Variants in RAPGEFL1 observed in about 807,000 individuals in gnomAD.
RAPGEFL1 encodes Rap guanine nucleotide exchange factor like 1.
In RAPGEFL1, 31 loss-of-function variants were observed where a neutral mutation model predicts 64.4. The observed-to-expected ratio is 0.48, with a 90% confidence interval of 0.36 to 0.65. The LOEUF is 0.65. Among genes scored for constraint, RAPGEFL1 ranks in the 30% least tolerant of loss-of-function variants. RAPGEFL1 has a pLI of 0.00. For missense variants in RAPGEFL1, 682 were observed against 677.4 expected (o/e 1.01, Z -0.08); for synonymous variants, 331 against 274.1 (o/e 1.21, Z -2.05).
In RAPGEFL1 at chr17:40,178,203, C is replaced by CG; in HGVS notation, c.347dup (p.Gly117ArgfsTer13). 1.8e-6 allele frequency: 1 copy of CG among 545,914 alleles called. No homozygotes were observed. The highest frequency in any genetic ancestry group is 2.1e-5 in the South Asian group (1 of 48,038). 33.8% of individuals were successfully genotyped at this position (545,914 alleles called of 1,614,324 possible). On this transcript the variant is annotated frameshift_variant, in exon 1 of 15. Coordinates refer to ENST00000620260, the MANE Select transcript of RAPGEFL1 (RefSeq NM_016339.6). LOFTEE classifies it high-confidence loss of function. ...AGGAGGTGCCGGGGCCCGGGCCTCT[C>CG]GGGGGAGGGGGGCCCCTGCGCTCCC...
rs185867558 is a variant in RAPGEFL1, at chr17:40,190,093, A to C, written c.1115-341A>C. Reference sequence around the variant, plus strand: ...TAAGGATGCCACATTTCACAGGCTAAAGACACAGGATGAGTGGGAAGGCAG... The same window carrying C: ...TAAGGATGCCACATTTCACAGGCTACAGACACAGGATGAGTGGGAAGGCAG... On this transcript the variant is annotated intron_variant, in intron 6 of 14. Coordinates refer to ENST00000620260, the MANE Select transcript of RAPGEFL1 (RefSeq NM_016339.6). Among the ~76,000 whole-genome samples, 8 of 152,326 alleles carry C rather than the reference A, an allele frequency of 5.3e-5. No individual in the cohort carries two copies. The East Asian group carries it at 1.5e-3, about 29-fold the overall frequency.
chr17:40,179,345 C>G (rs944606343), intron 1 of RAPGEFL1, among the ~76,000 whole-genome samples: 1 of 152,114 alleles, frequency 6.6e-6, no homozygotes, highest in Non-Finnish European at 1.5e-5. Context: ...GGATTACAGG[C>G]GTGAGCCACT....
rs1454925687 is a variant in RAPGEFL1 at position 40,191,177 on chromosome 17, CCTTT to C, written c.1336-136_1336-133del. ...TTTCCGCATCTTTGCCGCCTCCTGT[CCTTT>C]CTATTTTTCTATTTTCCACCCCTTC... On this transcript the variant is annotated intron_variant, in intron 8 of 14. Transcript: ENST00000620260. This position sits in a 1 kb window ranked among gnomAD's most constrained non-coding sequence, Gnocchi z 5.1. 6 of 756,506 alleles carry C rather than the reference CCTTT, an allele frequency of 7.9e-6. No homozygotes were observed. The highest frequency in any genetic ancestry group is 1.9e-5 in the South Asian group (1 of 52,790). 46.9% of individuals were successfully genotyped at this position (756,506 alleles called of 1,614,324 possible).
chr17:40,189,823 G>A (rs1990199466), intron 6 of RAPGEFL1, among the ~76,000 whole-genome samples: 1 of 152,192 alleles, frequency 6.6e-6, no homozygotes, highest in Non-Finnish European at 1.5e-5. Context: ...GGGCATGGTG[G>A]TGTGCACCTG....
In RAPGEFL1 at chr17:40,191,478, A is replaced by T; in HGVS notation, c.1498A>T (p.Ile500Phe). ...GKRAQLLKKF[I>F]KIAALCKQNQ... is the part of the protein sequence containing the mutation. ...GCGCGCGCAGCTGCTCAAGAAGTTC[A>T]TCAAGATCGCGGCCCTGTGAGTGCG... The change falls in exon 9 of 15, where the codon ATC becomes TTC. Residue 500 changes from isoleucine to phenylalanine, a missense_variant. Ile to Phe is a conservative substitution (Grantham distance 21). Transcript: ENST00000620260. This position sits in a 1 kb window ranked among gnomAD's most constrained non-coding sequence, Gnocchi z 5.1. 6.2e-7 allele frequency: 1 copy of T among 1,606,460 alleles called. No homozygotes were observed. Among genetic ancestry groups the T allele is most frequent in the Admixed American group, 1.7e-5 (1 of 59,332 alleles).
Position 40,193,748 on chromosome 17 carries a change from T to C in RAPGEFL1, c.1949T>C (p.Leu650Pro). The change falls in exon 15 of 15, where the codon CTC (leucine) becomes CCC (proline). Residue 650 changes from leucine to proline, a missense_variant. By Grantham distance (98) the Leu-to-Pro change is moderately conservative. Around this residue, in one of 2 missense-constraint regions of RAPGEFL1, gnomAD observed 411 missense variants for 519.4 expected, o/e 0.79. Coordinates refer to ENST00000620260, the MANE Select transcript of RAPGEFL1 (RefSeq NM_016339.6). ...QFQVIDNQNL[L>P]FELSYKLEAN... ...CAGGTCATCGACAACCAGAACCTCC[T>C]CTTCGAGCTCTCCTACAAGCTGGAG... 1 of 1,614,010 alleles carries C rather than the reference T, an allele frequency of 6.2e-7. No homozygotes were observed. The highest frequency in any genetic ancestry group is 8.5e-7 in the Non-Finnish European group (1 of 1,179,976).
chr17:40,187,788 T>A (rs773506941), intron 4 of RAPGEFL1, among the ~76,000 whole-genome samples: 14 of 151,662 alleles, frequency 9.2e-5, no homozygotes, highest in South Asian at 2.1e-4. Context: ...TTTTTTATAT[T>A]TTTTTTAGTA....
At position 40,191,700 on chromosome 17, in the gene RAPGEFL1, G is replaced by C; in HGVS notation, c.1605+28G>C. The C allele has an allele frequency of 6.3e-7, 1 of 1,592,202 alleles. No homozygotes were observed. The highest frequency in any genetic ancestry group is 8.6e-7 in the Non-Finnish European group (1 of 1,168,372). ...GATGAGACCCCTCCCGTTCCTACCT[G>C]GGAATCTGGGCATCCCGGGCTCCCC... is the stretch of plus-strand genomic sequence containing the variant. On this transcript the variant is annotated intron_variant, in intron 10 of 14. Transcript: ENST00000620260. The surrounding 1 kb of genome is among the most constrained non-coding windows in gnomAD (Gnocchi z 5.1).
At position 40,194,232 on chromosome 17, in the gene RAPGEFL1, C is replaced by CCT. The variant is rs1340614010; in HGVS notation, c.*444_*445insCT. On this transcript the variant is annotated 3_prime_UTR_variant, in exon 15 of 15. Coordinates refer to ENST00000620260, the MANE Select transcript of RAPGEFL1 (RefSeq NM_016339.6). ...GGGACCCCCAGGAATATTATGTTGC[C>CCT]GTGTGTGTGTGTGTGTGTGTGTGTG... 3 of 124,980 alleles carry CCT rather than the reference C, an allele frequency of 2.4e-5. No individual in the cohort carries two copies. The highest frequency in any genetic ancestry group is 8.6e-5 in the Admixed American group (1 of 11,576). 7.7% of individuals were successfully genotyped at this position (124,980 alleles called of 1,614,324 possible).
Position 40,191,646 on chromosome 17 carries a change from G to A in RAPGEFL1, c.1579G>A (p.Val527Ile). ...GGTCATGGGGCTGGACAACGCCGCT[G>A]TCAGCCGCCTTCGACTCACCTGGGA... ...AVVMGLDNAA[V>I]SRLRLTWEKL... The change falls in exon 10 of 15, where the codon GTC (valine) becomes ATC (isoleucine). Residue 527 changes from valine to isoleucine, a missense_variant. Transcript: ENST00000620260. The surrounding 1 kb of genome is among the most constrained non-coding windows in gnomAD (Gnocchi z 5.1). The A allele has an allele frequency of 6.2e-7, 1 of 1,612,980 alleles. No individual in the cohort carries two copies. Among genetic ancestry groups the A allele is most frequent in the Non-Finnish European group, 8.5e-7 (1 of 1,179,678 alleles).
chr17:40,189,998 G>A (rs978073522), intron 6 of RAPGEFL1, among the ~76,000 whole-genome samples: 1 of 152,046 alleles, frequency 6.6e-6, no homozygotes, highest in Non-Finnish European at 1.5e-5. Flanking sequence ...TAGGACTCAG[G>A]TTCTGATCTG....
intron 3 of RAPGEFL1, 42 bp from the exon 4 acceptor site, chr17:40,184,539 A>G: frequency 7.5e-7 from 1 of 1,327,538 alleles, no homozygotes; most frequent in Middle Eastern, 1.8e-4. Flanking sequence ...AGCCCTTGGA[A>G]TGAGACCCCT....
chr17:40,186,755 G>A (rs1309644318), intron 4 of RAPGEFL1, among the ~76,000 whole-genome samples: 4 of 151,130 alleles, frequency 2.6e-5, no homozygotes, highest in African/African-American at 7.3e-5. Flanking sequence ...TTAGCCGGGC[G>A]TGGTGGTACA....
intron 3 of RAPGEFL1, 34 bp from the exon 4 acceptor site, chr17:40,184,547 C>A: frequency 1.5e-6 from 2 of 1,356,588 alleles, no homozygotes; most frequent in African/African-American, 1.5e-5. Context: ...GAATGAGACC[C>A]CTTCCTTCAC....
chr17:40,192,765 C>T, intron 12 of RAPGEFL1, 72 bp downstream of exon 12: 9 of 1,473,672 alleles, frequency 6.1e-6, no homozygotes, highest in Non-Finnish European at 8.5e-6. Flanking sequence ...CTTCTGACTT[C>T]CAGCTCCCTC....
upstream of RAPGEFL1, chr17:40,177,289 ATC>A (rs1212941062): frequency 2.8e-6 from 2 of 702,336 alleles, no homozygotes; most frequent in Admixed American, 4.0e-5. Context: ...CCATTGGTAA[ATC>A]TCTGACTTAC....
chr17:40,182,784 A>G (rs899292775), intron 2 of RAPGEFL1, among the ~76,000 whole-genome samples: 1 of 152,140 alleles, frequency 6.6e-6, no homozygotes, highest in African/African-American at 2.4e-5. Context: ...ATAGGGTCTC[A>G]TGTAAGCATG....
rs1223531439 is a variant in RAPGEFL1, at chr17:40,191,648, C to G, written c.1581C>G (p.Val527=). 3.7e-6 allele frequency: 6 copies of G among 1,612,638 alleles called. No homozygotes were observed. Among genetic ancestry groups the G allele is most frequent in the Non-Finnish European group, 5.1e-6 (6 of 1,179,562 alleles). ...AVVMGLDNAA[V]SRLRLTWEKL... ...TCATGGGGCTGGACAACGCCGCTGT[C>G]AGCCGCCTTCGACTCACCTGGGAGG... The change falls in exon 10 of 15, where the codon GTC becomes GTG. Residue 527 remains valine, a synonymous_variant. Transcript: ENST00000620260. The surrounding 1 kb of genome is among the most constrained non-coding windows in gnomAD (Gnocchi z 5.1).
Position 40,177,475 on chromosome 17 carries a change from C to T in RAPGEFL1, c.-387C>T, listed in dbSNP as rs988454310. On this transcript the variant is annotated 5_prime_UTR_variant, in exon 1 of 15. Transcript: ENST00000620260. ...GCGCGGTCTCGGTTCTGCCACCTTC[C>T]CCCTCTTCACGGCCAGGAGCGCAGC... The T allele has an allele frequency of 3.3e-5, 21 of 633,322 alleles. No individual in the cohort carries two copies. Among genetic ancestry groups the T allele is most frequent in the Admixed American group, 1.7e-4 (7 of 41,136 alleles). The allele number at this position is 633,322 out of a possible 1,614,324, so 39.2% of individuals were successfully genotyped here.
Sources: gnomAD v4.1 joint callset for allele counts (sites outside exome capture counted in the v4.1 genomes callset) on GRCh38, gnomAD v4.1.1 for gene constraint, gnomAD v4.1.1 regional missense constraint, Gnocchi (gnomAD v3.1) non-coding constraint, MANE v1.5 for transcripts, NCBI Gene and HGNC (gene_info 2026-07-23, HGNC 2026-07-21) for gene names.